The following TYW1B variants were observed in gnomAD, a reference collection of about 807,000 sequenced individuals.
TYW1B encodes tRNA-yW synthesizing protein 1 homolog B.
A neutral mutation model predicts 86.9 loss-of-function variants in TYW1B; 73 were observed. That is an observed-to-expected ratio of 0.84 (90% CI 0.70 to 1.02). The LOEUF (loss-of-function observed/expected upper bound fraction) is 1.02. TYW1B is among the 50% of genes least tolerant of loss of function. TYW1B has a pLI of 0.00. For missense variants in TYW1B, 637 were observed against 827.4 expected, an observed-to-expected ratio of 0.77 and a Z score of 2.82; for synonymous variants, 248 against 292.8, an observed-to-expected ratio of 0.85 and a Z score of 1.56.
intron 13 of TYW1B, among the ~76,000 whole-genome samples, chr7:72,609,500 A>C (rs1811883511): frequency 6.6e-6 from 1 of 152,160 alleles, no homozygotes; most frequent in Non-Finnish European, 1.5e-5. Flanking sequence ...TAGAGGTTGC[A>C]ATGAGCCATG....
At chr7:72,587,513 G>A (rs1231787053) in intron 13 of TYW1B, among the ~76,000 whole-genome samples, 1 of 152,124 alleles carries the variant, frequency 6.6e-6, no homozygotes, top group East Asian at 1.9e-4. Context: ...AACTGAAGAT[G>A]TCCTCTTGAG....
chr7:72,760,262 C>T (rs1787664619), intron 7 of TYW1B, among the ~76,000 whole-genome samples: 1 of 152,080 alleles, frequency 6.6e-6, no homozygotes, highest in African/African-American at 2.4e-5. Context: ...AAAAAAGTGG[C>T]AGGGGTTGGG....
chr7:72,798,970 G>A (rs1193655751), intron 6 of TYW1B, among the ~76,000 whole-genome samples: 1 of 151,846 alleles, frequency 6.6e-6, no homozygotes, highest in Non-Finnish European at 1.5e-5. Flanking sequence ...TAGGTTTTTG[G>A]TCAGCTGGAA....
intron 10 of TYW1B, among the ~76,000 whole-genome samples, chr7:72,706,924 C>CCTCT (rs1354069098): frequency 2.0e-5 from 3 of 152,182 alleles, no homozygotes; most frequent in African/African-American, 7.2e-5. Flanking sequence ...GGGTTTGAGA[C>CCTCT]CTCTGGGCTT....
intron 11 of TYW1B, among the ~76,000 whole-genome samples, chr7:72,652,030 A>G (rs1210509803): frequency 6.6e-6 from 1 of 151,912 alleles, no homozygotes; most frequent in Non-Finnish European, 1.5e-5. Flanking sequence ...AGATTCGCCC[A>G]CCTCAGCCTC....
chr7:72,764,147 A>G (rs1237048128), intron 7 of TYW1B, among the ~76,000 whole-genome samples: 1 of 152,142 alleles, frequency 6.6e-6, no homozygotes. Context: ...TTCCTTGTCA[A>G]CTGGGAAATT....
intron 11 of TYW1B, among the ~76,000 whole-genome samples, chr7:72,651,236 G>T (rs1585876386): frequency 6.6e-6 from 1 of 152,154 alleles, no homozygotes; most frequent in East Asian, 1.9e-4. Flanking sequence ...TGGAAGTACA[G>T]AATGAATTAT....
In TYW1B at chr7:72,728,919, G is replaced by T. The variant is rs1554459278; in HGVS notation, c.1095C>A (p.Asn365Lys). The stretch of plus-strand genomic sequence containing the variant: ...TCCACAACCATTCAGTGCCCACAGG[G>T]TTGTTGTGGTGCCTAGGAACAAGAC... ...KCVFCWWHHN[N>K]PVGTEWLWKM... Residue 365 changes from asparagine to lysine, a missense_variant, in exon 9 of 14, where the codon AAC (asparagine) becomes AAA (lysine). By Grantham distance (94) the Asn-to-Lys change is moderately conservative (BLOSUM62 0). Transcript: ENST00000620995. 6.2e-7 allele frequency: 1 copy of T among 1,613,848 alleles called. No individual in the cohort carries two copies. Among genetic ancestry groups the T allele is most frequent in the South Asian group, 1.1e-5 (1 of 90,992 alleles).
chr7:72,626,241 C>A (rs1470572337), intron 12 of TYW1B, among the ~76,000 whole-genome samples: 5 of 142,256 alleles, frequency 3.5e-5, no homozygotes, highest in Admixed American at 7.3e-5. Context: ...TCTAGAGTAA[C>A]ACCAAAAGCT....
intron 11 of TYW1B, among the ~76,000 whole-genome samples, chr7:72,677,863 G>A (rs1196052288): frequency 3.3e-5 from 5 of 151,908 alleles, no homozygotes; most frequent in Non-Finnish European, 7.4e-5. Context: ...CACCATGCCC[G>A]GCTAATTTTT....
chr7:72,696,436 G>A (rs1484194217), intron 10 of TYW1B, among the ~76,000 whole-genome samples: 11 of 152,232 alleles, frequency 7.2e-5, no homozygotes, highest in South Asian at 4.1e-4. Context: ...GAAGTTTTAT[G>A]CATTTTTTGT....
chr7:72,667,655 G>C (rs1813501161), intron 11 of TYW1B, among the ~76,000 whole-genome samples: 4 of 152,194 alleles, frequency 2.6e-5, no homozygotes, highest in Admixed American at 2.0e-4. Flanking sequence ...GGAGGCTGCA[G>C]TGAGCTGAGA....
chr7:72,744,659 C>T, intron 7 of TYW1B, 58 bp from the exon 8 acceptor site: 1 of 1,532,666 alleles, frequency 6.5e-7, no homozygotes, highest in Non-Finnish European at 9.0e-7. Context: ...AGAAACAAAC[C>T]ACCAAGGCAT....
At chr7:72,655,298 C>G (rs1813172433) in intron 11 of TYW1B, among the ~76,000 whole-genome samples, 2 of 152,148 alleles carry the variant, frequency 1.3e-5, no homozygotes, top group Non-Finnish European at 2.9e-5. Context: ...TCAGCTCTCA[C>G]AAGCCCTAAG....
intron 13 of TYW1B, among the ~76,000 whole-genome samples, chr7:72,607,163 T>C (rs1340053138): frequency 6.6e-6 from 1 of 151,110 alleles, no homozygotes; most frequent in East Asian, 1.9e-4. Context: ...GAGGTGGAGA[T>C]GGGTGGATCA....
intron 11 of TYW1B, among the ~76,000 whole-genome samples, chr7:72,642,249 G>C (rs1436320679): frequency 6.6e-6 from 1 of 152,110 alleles, no homozygotes; most frequent in Non-Finnish European, 1.5e-5. Context: ...TAAAACTCTT[G>C]GATGAAAACA....
chr7:72,658,475 T>C (rs1813257817), intron 11 of TYW1B, among the ~76,000 whole-genome samples: 1 of 152,166 alleles, frequency 6.6e-6, no homozygotes, highest in Non-Finnish European at 1.5e-5. Flanking sequence ...AACACGTCAA[T>C]AAAGATGGTT....
At chr7:72,587,630 A>T (rs1811303825) in intron 13 of TYW1B, among the ~76,000 whole-genome samples, 1 of 151,846 alleles carries the variant, frequency 6.6e-6, no homozygotes, top group Non-Finnish European at 1.5e-5. Flanking sequence ...TTTCTCAAGC[A>T]CTCATCCTAG....
chr7:72,809,128 C>T (rs1487487068), intron 4 of TYW1B, among the ~76,000 whole-genome samples: 1 of 148,564 alleles, frequency 6.7e-6, no homozygotes. Flanking sequence ...CTGCAATCTC[C>T]GCCTCCCAAG....
Sources: gnomAD v4.1 joint callset for allele counts (sites outside exome capture counted in the v4.1 genomes callset) on GRCh38, gnomAD v4.1.1 for gene constraint, MANE v1.5 for transcripts, NCBI Gene and HGNC (gene_info 2026-07-23, HGNC 2026-07-21) for gene names.